Variants in DENND2A observed in about 807,000 individuals in gnomAD.
The protein encoded by DENND2A is DENN domain containing 2A.
DENND2A carries 53 observed loss-of-function variants against 105.3 expected under a neutral mutation model. That is an observed-to-expected ratio of 0.50 (90% confidence interval 0.40 to 0.63). The LOEUF (loss-of-function observed/expected upper bound fraction) is 0.63. Ranked by LOEUF, DENND2A falls within the 30% of genes least tolerant of loss-of-function variation. DENND2A has a pLI of 0.00. For missense variants in DENND2A, 1,138 were observed against 1,279.6 expected (o/e 0.89, Z 1.69); for synonymous variants, 522 against 508.4 (o/e 1.03, Z -0.36).
chr7:140,601,444 T>C lies in DENND2A; in HGVS notation c.954A>G (p.Arg318=), dbSNP rs1407363517. Residue 318 remains arginine, a synonymous_variant, in exon 3 of 20, where the codon AGA becomes AGG. Transcript: ENST00000496613. The part of the protein sequence containing the change: ...PSSPPPSSVN[R]RLWTGRQKSS... The stretch of plus-strand genomic sequence containing the variant: ...ATTTCTGTCTCCCGGTCCACAGTCT[T>C]CTGTTCACAGAGGAAGGTGGGGGAG... The C allele has an allele frequency of 6.2e-7, 1 of 1,612,400 alleles. No individual in the cohort carries two copies. The highest frequency in any genetic ancestry group is 1.1e-5 in the South Asian group (1 of 90,604).
At chr7:140,634,984 C>T (rs1222556350) in intron 1 of DENND2A, among the ~76,000 whole-genome samples, 1 of 151,704 alleles carries the variant, frequency 6.6e-6, no homozygotes, top group Non-Finnish European at 1.5e-5. Context: ...AAATTTTGGC[C>T]AAGTGCAGTG....
chr7:140,579,469 T>C (rs1798444363), intron 5 of DENND2A, among the ~76,000 whole-genome samples: 1 of 151,426 alleles, frequency 6.6e-6, no homozygotes, highest in South Asian at 2.1e-4. Flanking sequence ...CTCAGCTCAC[T>C]GCAACCTCCG....
intron 14 of DENND2A, among the ~76,000 whole-genome samples, chr7:140,539,467 G>A (rs1796571785): frequency 1.3e-5 from 2 of 152,130 alleles, no homozygotes; most frequent in Admixed American, 1.3e-4. Context: ...GGGTCCTGAG[G>A]GCCTGTGCTA....
intron 12 of DENND2A, among the ~76,000 whole-genome samples, chr7:140,550,422 A>T (rs986046738): frequency 6.6e-6 from 1 of 151,948 alleles, no homozygotes; most frequent in Non-Finnish European, 1.5e-5. Flanking sequence ...CAGTGGTGCG[A>T]TCTGGGCTCA....
chr7:140,543,254 G>A (rs569530321), intron 14 of DENND2A, among the ~76,000 whole-genome samples: 2 of 150,898 alleles, frequency 1.3e-5, no homozygotes, highest in East Asian at 3.9e-4. Flanking sequence ...TAGTAGCAGG[G>A]ACTGTAGGCT....
At chr7:140,531,270 C>A (rs543207202) in intron 14 of DENND2A, among the ~76,000 whole-genome samples, 12 of 152,296 alleles carry the variant, frequency 7.9e-5, no homozygotes, top group Non-Finnish European at 1.6e-4. Context: ...AGCCAGGCTA[C>A]AAAGTTGCTA....
intron 5 of DENND2A, among the ~76,000 whole-genome samples, chr7:140,585,208 TCAA>T (rs569871863): frequency 1.5e-3 from 231 of 152,238 alleles, no homozygotes; most frequent in African/African-American, 5.3e-3. Flanking sequence ...CTCAATTAAA[TCAA>T]CAACAACAAC....
intron 19 of DENND2A, among the ~76,000 whole-genome samples, chr7:140,519,252 T>C (rs1406826204): frequency 2.0e-5 from 3 of 152,148 alleles, no homozygotes; most frequent in South Asian, 4.1e-4. Context: ...CTACAGTCCT[T>C]GTAAGTGTCA....
At chr7:140,554,184 C>A (rs1797265887) in intron 12 of DENND2A, among the ~76,000 whole-genome samples, 1 of 151,756 alleles carries the variant, frequency 6.6e-6, no homozygotes, top group Non-Finnish European at 1.5e-5. Context: ...CGAGGTCGCA[C>A]CCTTGCACTC....
intron 3 of DENND2A, among the ~76,000 whole-genome samples, chr7:140,596,298 A>G (rs1799280210): frequency 6.6e-6 from 1 of 152,230 alleles, no homozygotes; most frequent in Non-Finnish European, 1.5e-5. Flanking sequence ...CAAGTTTCTC[A>G]GAAGCTTCCA....
In DENND2A at chr7:140,594,666, T is replaced by C. The variant is rs138496109; in HGVS notation, c.995+6737A>G. Among the ~76,000 whole-genome samples, 9 of 152,348 alleles carry C rather than the reference T, an allele frequency of 5.9e-5. No individual in the cohort carries two copies. The East Asian group carries it at 1.7e-3, about 29-fold the overall frequency. On this transcript the variant is annotated intron_variant, in intron 3 of 19. Coordinates refer to ENST00000496613, the MANE Select transcript of DENND2A (RefSeq NM_015689.5). ...TATCTCGCTCATTATTACATTCCTA[T>C]GTCTAACACTCGATAGGTGCGTGGT...
Position 140,566,291 on chromosome 7 carries a change from C to T in DENND2A, c.1779+795G>A, listed in dbSNP as rs555524931. On this transcript the variant is annotated intron_variant, in intron 9 of 19. Coordinates refer to ENST00000496613, the MANE Select transcript of DENND2A (RefSeq NM_015689.5). ...AAGTGATCCGCCCACTTCGGCCTCCCAAAGTACTGGGATTACAGGTGTGAG... is the reference window on the plus strand; with the variant it reads ...AAGTGATCCGCCCACTTCGGCCTCCTAAAGTACTGGGATTACAGGTGTGAG... 1.1e-3 allele frequency among the ~76,000 whole-genome samples: 162 copies of T among 152,260 alleles called. 3 individuals carry two copies. Among genetic ancestry groups the T allele is most frequent in the African/African-American group, 3.5e-3 (144 of 41,550 alleles).
At chr7:140,591,669 TTCTC>T (rs1478963135) in intron 3 of DENND2A, among the ~76,000 whole-genome samples, 1 of 128,260 alleles carries the variant, frequency 7.8e-6, no homozygotes, top group South Asian at 2.5e-4. Flanking sequence ...CTTTCTTTCT[TTCTC>T]TTTCTTTCTT....
At chr7:140,518,850 A>G (rs2130440890) in intron 19 of DENND2A, 112 bp from the exon 20 acceptor site, 3 of 882,010 alleles carry the variant, frequency 3.4e-6, no homozygotes, top group Middle Eastern at 2.2e-4. Context: ...ACGCCACCCC[A>G]GGGAGCCTCA....
intron 1 of DENND2A, among the ~76,000 whole-genome samples, chr7:140,613,578 A>ACACAG (rs1161749045): frequency 6.6e-6 from 1 of 151,712 alleles, no homozygotes; most frequent in Non-Finnish European, 1.5e-5. Context: ...AGCCTGGGCA[A>ACACAG]CACAGCAAGA....
At chr7:140,612,534 C>T (rs964206314) in intron 1 of DENND2A, among the ~76,000 whole-genome samples, 2 of 150,382 alleles carry the variant, frequency 1.3e-5, no homozygotes, top group Non-Finnish European at 3.0e-5. Flanking sequence ...CAGAGTCTTA[C>T]TCTGTTGCCC....
In DENND2A at chr7:140,568,803, C is replaced by T. The variant is rs1797974671; in HGVS notation, c.1551G>A (p.Glu517=). The change falls in exon 8 of 20, where the codon GAG becomes GAA. Residue 517 remains glutamate (E), a synonymous_variant. Transcript: ENST00000496613. ...CTGTGTCACTGTCAGACTCACTGTTCTCATCTGTCACTAGAAGAAAAGAAC... is the reference window on the plus strand; with the variant it reads ...CTGTGTCACTGTCAGACTCACTGTTTTCATCTGTCACTAGAAGAAAAGAAC... The part of the protein sequence containing the change: ...MESNSGKVTD[E]NSESDSDTEE... The T allele has an allele frequency of 2.5e-6, 4 of 1,614,040 alleles. No individual in the cohort carries two copies. The highest frequency in any genetic ancestry group is 3.4e-6 in the Non-Finnish European group (4 of 1,180,028).
At chr7:140,567,029 C>G in intron 9 of DENND2A, 57 bp downstream of exon 9, 1 of 1,471,308 alleles carries the variant, frequency 6.8e-7, no homozygotes, top group Non-Finnish European at 9.1e-7. Context: ...TTCATGAGTC[C>G]CAACAAGGTG....
intron 5 of DENND2A, among the ~76,000 whole-genome samples, chr7:140,585,316 G>GT (rs1196798861): frequency 6.6e-6 from 1 of 152,228 alleles, no homozygotes; most frequent in African/African-American, 2.4e-5. Context: ...ATTCTTAACA[G>GT]TTGTATGGGA....
Sources: gnomAD v4.1 joint callset for allele counts (sites outside exome capture counted in the v4.1 genomes callset) on GRCh38, gnomAD v4.1.1 for gene constraint, MANE v1.5 for transcripts, NCBI Gene and HGNC (gene_info 2026-07-23, HGNC 2026-07-21) for gene names.